RIN3: variants seen among roughly 807,000 people sequenced by gnomAD.
RIN3 encodes Ras and Rab interactor 3, also known as RAB5 interacting protein 3.
RIN3 carries 54 observed loss-of-function variants against 76.3 expected under a neutral mutation model. The ratio of observed to expected loss-of-function variants is 0.71; its 90% CI spans 0.57 to 0.89. The LOEUF is 0.89. Among genes scored for constraint, RIN3 ranks in the 40% least tolerant of loss-of-function variants. The pLI is 0.00. For synonymous variants in RIN3, 576 were observed against 564.0 expected, an observed-to-expected ratio of 1.02 and a Z score of -0.30; for missense variants, 1,256 against 1,322.1, an observed-to-expected ratio of 0.95 and a Z score of 0.78.
intron 6 of RIN3, among the ~76,000 whole-genome samples, chr14:92,655,468 G>A (rs981374786): frequency 3.9e-5 from 6 of 152,368 alleles, no homozygotes; most frequent in East Asian, 3.9e-4. Context: ...GGCTGTTGGG[G>A]GGCAGGACCC....
chr14:92,581,538 G>T (rs1898436535), intron 3 of RIN3, among the ~76,000 whole-genome samples: 1 of 152,254 alleles, frequency 6.6e-6, no homozygotes, highest in South Asian at 2.1e-4. Context: ...TGGAGGAAAG[G>T]CACATCAGGC....
chr14:92,578,845 A>C (rs1413932061), intron 3 of RIN3, among the ~76,000 whole-genome samples: 1 of 152,230 alleles, frequency 6.6e-6, no homozygotes, highest in African/African-American at 2.4e-5. Flanking sequence ...TAGTAACATT[A>C]TCTACAGGAG....
chr14:92,598,874 C>T (rs1885243382), intron 3 of RIN3, among the ~76,000 whole-genome samples: 1 of 152,154 alleles, frequency 6.6e-6, no homozygotes, highest in Non-Finnish European at 1.5e-5. Flanking sequence ...AGGACCCCCA[C>T]CACCCCACAA....
intron 7 of RIN3, 143 bp from the exon 8 acceptor site, chr14:92,676,332 T>G: frequency 6.2e-6 from 6 of 974,466 alleles, no homozygotes; most frequent in Non-Finnish European, 9.2e-6. Context: ...CTCTCTGTCC[T>G]GAGAGTCATG....
chr14:92,611,713 C>T (rs562056149), intron 3 of RIN3, among the ~76,000 whole-genome samples: 1 of 152,304 alleles, frequency 6.6e-6, no homozygotes, highest in African/African-American at 2.4e-5. Context: ...ATCACATTCA[C>T]ATATCTTTTG....
chr14:92,525,788 A>G (rs8016129), intron 1 of RIN3, among the ~76,000 whole-genome samples: 10,043 of 152,166 alleles, frequency 0.066, 1,110 homozygotes, highest in African/African-American at 0.23. Context: ...CACCAGCCAG[A>G]ATGTGATCAC....
chr14:92,574,047 T>C (rs529082973), intron 2 of RIN3, among the ~76,000 whole-genome samples: 3 of 152,280 alleles, frequency 2.0e-5, no homozygotes, highest in Admixed American at 6.5e-5. Flanking sequence ...ACCCCTGCCA[T>C]GAAGCAGTGT....
At chr14:92,670,886 T>C (rs1168411541) in intron 7 of RIN3, among the ~76,000 whole-genome samples, 1 of 152,176 alleles carries the variant, frequency 6.6e-6, no homozygotes, top group Non-Finnish European at 1.5e-5. Flanking sequence ...ATCATGGAAA[T>C]TGGCAAATGC....
At chr14:92,630,828 G>A (rs929002653) in intron 4 of RIN3, among the ~76,000 whole-genome samples, 2 of 152,190 alleles carry the variant, frequency 1.3e-5, no homozygotes, top group African/African-American at 4.8e-5. Flanking sequence ...TCCCAGGCTG[G>A]GAGTTGGAGA....
At chr14:92,595,775 G>A (rs1389303886) in intron 3 of RIN3, among the ~76,000 whole-genome samples, 2 of 152,286 alleles carry the variant, frequency 1.3e-5, no homozygotes, top group African/African-American at 4.8e-5. Flanking sequence ...ACAGACAGAA[G>A]GCGCCGTTCT....
chr14:92,656,402 G>A lies in RIN3; in HGVS notation c.2027-2759G>A, dbSNP rs1331457151. Reference sequence around the variant, plus strand: ...AGGAGAGGGGACAAGACAGGGGGACGGCTCAGGAGGCTGCGGCGGGGCAAG... The same window carrying A: ...AGGAGAGGGGACAAGACAGGGGGACAGCTCAGGAGGCTGCGGCGGGGCAAG... On this transcript the variant is annotated intron_variant, in intron 6 of 9. Coordinates refer to ENST00000216487, the MANE Select transcript of RIN3 (RefSeq NM_024832.5). This position sits in a 1 kb window ranked among gnomAD's most constrained non-coding sequence, Gnocchi z 5.2. Among the ~76,000 whole-genome samples the A allele has an allele frequency of 1.3e-5, 2 of 152,130 alleles. No individual in the cohort carries two copies. Among genetic ancestry groups the A allele is most frequent in the East Asian group, 1.9e-4 (1 of 5,178 alleles).
chr14:92,524,424 G>T (rs1367415538), intron 1 of RIN3, among the ~76,000 whole-genome samples: 1 of 152,174 alleles, frequency 6.6e-6, no homozygotes, highest in Non-Finnish European at 1.5e-5. Flanking sequence ...CCTTGGGAAA[G>T]GTTTGTCCTG....
At chr14:92,590,553 A>G (rs1214451027) in intron 3 of RIN3, among the ~76,000 whole-genome samples, 1 of 152,188 alleles carries the variant, frequency 6.6e-6, no homozygotes, top group Non-Finnish European at 1.5e-5. Context: ...TTTCACCAGA[A>G]GCTGAGCTGA....
intron 4 of RIN3, among the ~76,000 whole-genome samples, chr14:92,619,741 TGC>T (rs1369374429): frequency 6.6e-6 from 1 of 152,166 alleles, no homozygotes; most frequent in African/African-American, 2.4e-5. Flanking sequence ...TAGTCTTAAC[TGC>T]ATGTTATAAT....
At chr14:92,535,568 T>G (rs1429009837) in intron 1 of RIN3, among the ~76,000 whole-genome samples, 1 of 152,012 alleles carries the variant, frequency 6.6e-6, no homozygotes, top group Non-Finnish European at 1.5e-5. Context: ...TTAAGAAGTC[T>G]CTCGACCATC....
intron 8 of RIN3, among the ~76,000 whole-genome samples, chr14:92,680,819 C>G (rs1300684281): frequency 6.6e-6 from 1 of 152,246 alleles, no homozygotes; most frequent in African/African-American, 2.4e-5. Flanking sequence ...TGCAGTTTAG[C>G]AAAGGATGGG....
intron 2 of RIN3, among the ~76,000 whole-genome samples, chr14:92,558,251 A>G (rs1897657390): frequency 2.0e-5 from 3 of 152,156 alleles, no homozygotes; most frequent in Admixed American, 2.0e-4. Flanking sequence ...CGGGAGGCTG[A>G]GGTGGGAGAA....
At chr14:92,641,819 G>A (rs1887026731) in intron 5 of RIN3, among the ~76,000 whole-genome samples, 1 of 152,232 alleles carries the variant, frequency 6.6e-6, no homozygotes, top group African/African-American at 2.4e-5. Flanking sequence ...GGGGTAAAGA[G>A]GGGAGAGGAA....
chr14:92,656,012 G>A lies in RIN3; in HGVS notation c.2026+2937G>A, dbSNP rs902574032. ...CACAAAAGGAGCCATGAGACTGGAT[G>A]AGATCATCCGGGTCTGAGGACTGAG... On this transcript the variant is annotated intron_variant, in intron 6 of 9. Transcript: ENST00000216487. This position sits in a 1 kb window ranked among gnomAD's most constrained non-coding sequence, Gnocchi z 5.2. Among the ~76,000 whole-genome samples the A allele has an allele frequency of 6.6e-5, 10 of 152,216 alleles. No homozygotes were observed. The highest frequency in any genetic ancestry group is 1.0e-4 in the Non-Finnish European group (7 of 68,030).
Sources: allele counts gnomAD v4.1 joint callset (sites outside exome capture counted in the v4.1 genomes callset), GRCh38; gene constraint gnomAD v4.1.1; non-coding constraint Gnocchi (gnomAD v3.1); transcripts MANE v1.5; gene names NCBI Gene and HGNC (gene_info 2026-07-23, HGNC 2026-07-21).